Variants in SH3BP2 observed in about 807,000 individuals in gnomAD.
SH3BP2 encodes the protein SH3 domain-binding protein 2.
A neutral mutation model predicts 56.2 loss-of-function variants in SH3BP2; 38 were observed. The ratio of observed to expected loss-of-function variants is 0.68; its 90% CI spans 0.52 to 0.89. The LOEUF (loss-of-function observed/expected upper bound fraction) is 0.89, where lower values mean the gene tolerates loss of function less well. Ranked by LOEUF, SH3BP2 falls within the 40% of genes least tolerant of loss-of-function variation. The pLI, the probability that SH3BP2 is intolerant of heterozygous loss-of-function variation, is 0.00. For missense variants in SH3BP2, 748 were observed against 762.6 expected, an observed-to-expected ratio of 0.98 and a Z score of 0.23; for synonymous variants, 346 against 316.7, an observed-to-expected ratio of 1.09 and a Z score of -0.98.
In SH3BP2 at chr4:2,829,575, C is replaced by G; in HGVS notation, c.669C>G (p.Ala223=). The G allele has an allele frequency of 6.2e-7, 1 of 1,613,230 alleles. No homozygotes were observed. The highest frequency in any genetic ancestry group is 8.5e-7 in the Non-Finnish European group (1 of 1,179,798). Residue 223 remains alanine (A), a synonymous_variant, in exon 8 of 13, where the codon GCC becomes GCG. Coordinates refer to ENST00000503393, the MANE Select transcript of SH3BP2 (RefSeq NM_001122681.2). This position sits in a 1 kb window ranked among gnomAD's most constrained non-coding sequence, Gnocchi z 4.9. The part of the protein sequence containing the change: ...RKPAFSDMPR[A]HSFTSKGPGP... ...CAGCCTTCTCTGACATGCCCCGGGC[C>G]CACTCCTTTACCTCCAAGGGCCCCG... is the stretch of plus-strand genomic sequence containing the variant.
chr4:2,833,724 G>T lies in SH3BP2; in HGVS notation c.1576G>T (p.Val526Phe), dbSNP rs1425874075. 8 of 1,610,204 alleles carry T rather than the reference G, an allele frequency of 5.0e-6. No individual in the cohort carries two copies. Among genetic ancestry groups the T allele is most frequent in the East Asian group, 4.5e-5 (2 of 44,780 alleles). ...KDSKFYLEGE[V>F]LFVSVGSMVE... Reference sequence around the variant, plus strand: ...CTCTAAGTTCTACCTGGAGGGCGAGGTCCTGTTTGTGAGTGTGGGCAGCAT... The same window carrying T: ...CTCTAAGTTCTACCTGGAGGGCGAGTTCCTGTTTGTGAGTGTGGGCAGCAT... Residue 526 changes from valine (V) to phenylalanine (F), a missense_variant, in exon 13 of 13, where the codon GTC becomes TTC. Around this residue, in one of 3 missense-constraint regions of SH3BP2, gnomAD observed 635 missense variants for 615.0 expected, o/e 1.03. Transcript: ENST00000503393.
rs554704659 is a variant in SH3BP2, at chr4:2,829,089, A to C, written c.587-404A>C. ...AGCTTTCTGGATATGTTCTGAGCAA[A>C]CACGGGCCTTCACCTTCCTCCCAGC... On this transcript the variant is annotated intron_variant, in intron 7 of 12. Coordinates refer to ENST00000503393, the MANE Select transcript of SH3BP2 (RefSeq NM_001122681.2). This position sits in a 1 kb window ranked among gnomAD's most constrained non-coding sequence, Gnocchi z 4.9. Among the ~76,000 whole-genome samples the C allele has an allele frequency of 7.3e-4, 111 of 152,182 alleles. 3 individuals are homozygous for C. Among genetic ancestry groups the C allele is most frequent in the Non-Finnish European group, 5.9e-5 (4 of 67,998 alleles).
At chr4:2,793,598 C>G (rs926553050) in intron 1 of SH3BP2, 1 of 151,646 alleles carries the variant, frequency 6.6e-6, no homozygotes, top group African/African-American at 2.4e-5. Context: ...CCCCTCTGGC[C>G]CCGCGGCGGG....
chr4:2,820,982 G>A (rs1051052316), intron 2 of SH3BP2, among the ~76,000 whole-genome samples: 1 of 152,150 alleles, frequency 6.6e-6, no homozygotes, highest in Non-Finnish European at 1.5e-5. Flanking sequence ...GCTGGCAAGG[G>A]GAGCTGCAGC....
At position 2,829,775 on chromosome 4, in the gene SH3BP2, G is replaced by A; in HGVS notation, c.869G>A (p.Gly290Asp). The change falls in exon 8 of 13, where the codon GGC (glycine) becomes GAC (aspartate). Residue 290 changes from glycine to aspartate, a missense_variant. Physicochemically the swap from Gly to Asp is moderately conservative, Grantham distance 94 (BLOSUM62 -1). Coordinates refer to ENST00000503393, the MANE Select transcript of SH3BP2 (RefSeq NM_001122681.2). This position sits in a 1 kb window ranked among gnomAD's most constrained non-coding sequence, Gnocchi z 4.9. ...PPLSTMPTAP[G>D]LRKPPCFRES... ...CTGAGCACCATGCCCACCGCACCCG[G>A]CCTCCGGAAACCCCCTTGCTTCCGG... The A allele has an allele frequency of 6.2e-7, 1 of 1,613,070 alleles. No homozygotes were observed. The highest frequency in any genetic ancestry group is 8.5e-7 in the Non-Finnish European group (1 of 1,179,954).
At chr4:2,826,045 G>A (rs570505154) in intron 5 of SH3BP2, among the ~76,000 whole-genome samples, 141 of 152,366 alleles carry the variant, frequency 9.3e-4, no homozygotes, top group African/African-American at 3.4e-3. Context: ...CCGGGCTCCC[G>A]TCCCCTGGTC....
In SH3BP2 at chr4:2,826,297, CTG is replaced by C. The variant is rs368528643; in HGVS notation, c.429-920_429-919del. On this transcript the variant is annotated intron_variant, in intron 5 of 12. Transcript: ENST00000503393. ...TGTGTGTGCATGTCCGCGTGTTGCT[CTG>C]TGTGTGTGTGTGCAATGTCCACGTG... is the stretch of plus-strand genomic sequence containing the variant. 31 of 71,820 alleles carry C rather than the reference CTG, an allele frequency of 4.3e-4. No homozygotes were observed. The East Asian group carries it at 5.4e-3, about 12-fold the overall frequency. The allele number at this position is 71,820 out of a possible 1,614,324, so 4.4% of individuals were successfully genotyped here.
intron 11 of SH3BP2, 77 bp downstream of exon 11, chr4:2,832,489 A>G (rs1361782118): frequency 9.1e-7 from 1 of 1,103,810 alleles, no homozygotes; most frequent in Admixed American, 1.7e-5. Context: ...CCAGGACTCC[A>G]CAGTTCCTAA....
In SH3BP2 at chr4:2,831,992, C is replaced by A. The variant is rs375493267; in HGVS notation, c.1406+14C>A. The stretch of plus-strand genomic sequence containing the variant: ...CGAAGTGGAAAGGTCAGCACAAAGC[C>A]CTGTGTGTGCTGGGTCCTCCGCCAT... On this transcript the variant is annotated intron_variant, in intron 10 of 12. Coordinates refer to ENST00000503393, the MANE Select transcript of SH3BP2 (RefSeq NM_001122681.2). The surrounding 1 kb of genome is among the most constrained non-coding windows in gnomAD (Gnocchi z 4.1). 139 of 1,612,106 alleles carry A rather than the reference C, an allele frequency of 8.6e-5. No homozygotes were observed. Among genetic ancestry groups the A allele is most frequent in the Non-Finnish European group, 1.1e-4 (130 of 1,179,506 alleles).
intron 12 of SH3BP2, 22 bp downstream of exon 12, chr4:2,833,071 C>G: frequency 6.2e-7 from 1 of 1,611,930 alleles, no homozygotes; most frequent in Non-Finnish European, 8.5e-7. Context: ...CTGAGTGGGA[C>G]GGGGACCCTG....
At chr4:2,812,693 G>A (rs1723806293) in intron 1 of SH3BP2, among the ~76,000 whole-genome samples, 1 of 152,120 alleles carries the variant, frequency 6.6e-6, no homozygotes, top group African/African-American at 2.4e-5. Flanking sequence ...GGCACAGGGG[G>A]AGGCCAGAGA....
Position 2,799,227 on chromosome 4 carries a change from G to A in SH3BP2, c.-5+6089G>A. 6.1e-6 allele frequency: 6 copies of A among 985,520 alleles called. No individual in the cohort carries two copies. The South Asian group carries it at 2.8e-4, about 46-fold the overall frequency. 61.0% of individuals were successfully genotyped at this position (985,520 alleles called of 1,614,324 possible). ...GCGGGACCCTGGGGGTGGAATCTCT[G>A]AAATGCCTTCCCCTCGGGACCCTCA... On this transcript the variant is annotated intron_variant, in intron 1 of 12. Coordinates refer to ENST00000503393, the MANE Select transcript of SH3BP2 (RefSeq NM_001122681.2).
intron 1 of SH3BP2, among the ~76,000 whole-genome samples, chr4:2,807,419 G>A (rs1723578180): frequency 6.6e-6 from 1 of 152,208 alleles, no homozygotes; most frequent in African/African-American, 2.4e-5. Flanking sequence ...CCATGGGCCT[G>A]GTGCCCATCT....
intron 1 of SH3BP2, among the ~76,000 whole-genome samples, chr4:2,803,583 C>T (rs990586325): frequency 1.3e-5 from 2 of 152,152 alleles, no homozygotes; most frequent in East Asian, 3.8e-4. Flanking sequence ...GGAGCCCAGG[C>T]GTGAATGGTG....
chr4:2,832,421 C>T lies in SH3BP2; in HGVS notation c.1488+9C>T, dbSNP rs1577371649. On this transcript the variant is annotated intron_variant, in intron 11 of 12. Transcript: ENST00000503393. Reference sequence around the variant, plus strand: ...CTACCAAGTCGGGGAAGGTAGGCGCCAGGGGAAGATGCCCCAGGGCCCCTC... The same window carrying T: ...CTACCAAGTCGGGGAAGGTAGGCGCTAGGGGAAGATGCCCCAGGGCCCCTC... 6.2e-7 allele frequency: 1 copy of T among 1,612,488 alleles called. No homozygotes were observed. Among genetic ancestry groups the T allele is most frequent in the Non-Finnish European group, 8.5e-7 (1 of 1,178,624 alleles).
At chr4:2,832,279 G>T (rs762734427) in intron 10 of SH3BP2, 52 bp from the exon 11 acceptor site, 1 of 1,481,886 alleles carries the variant, frequency 6.7e-7, no homozygotes, top group Non-Finnish European at 9.4e-7. Context: ...GAAGGTCCGT[G>T]TGAAAGCTGC....
intron 5 of SH3BP2, among the ~76,000 whole-genome samples, chr4:2,825,739 G>C (rs1480355021): frequency 6.6e-6 from 1 of 152,234 alleles, no homozygotes; most frequent in Non-Finnish European, 1.5e-5. Flanking sequence ...CTGCCACCAG[G>C]GAGGCCTGGC....
rs773943767 is a variant in SH3BP2 at position 2,831,101 on chromosome 4, AG to A, written c.1242-469del. ...CTGGCGTGGCCCGTTAATCCTCCCT[AG>A]AGCCTTTGAGGCTTTGCTGAGCAGG... On this transcript the variant is annotated intron_variant, in intron 8 of 12. Coordinates refer to ENST00000503393, the MANE Select transcript of SH3BP2 (RefSeq NM_001122681.2). The surrounding 1 kb of genome is among the most constrained non-coding windows in gnomAD (Gnocchi z 4.1). 1.3e-5 allele frequency among the ~76,000 whole-genome samples: 2 copies of A among 152,176 alleles called. No homozygotes were observed. Among genetic ancestry groups the A allele is most frequent in the Non-Finnish European group, 2.9e-5 (2 of 68,022 alleles).
rs1725004319 is a variant in SH3BP2, at chr4:2,831,840, G to A, written c.1351-83G>A. 15 of 1,506,094 alleles carry A rather than the reference G, an allele frequency of 1.0e-5. No homozygotes were observed. Among genetic ancestry groups the A allele is most frequent in the Middle Eastern group, 3.4e-4 (2 of 5,808 alleles). The allele number at this position is 1,506,094 out of a possible 1,614,324, so 93.3% of individuals were successfully genotyped here. ...AGCACCATGTAAAGCCCCGGATCCC[G>A]GCACCGGGTGGCCACCGTCCGGGGA... On this transcript the variant is annotated intron_variant, in intron 9 of 12. Coordinates refer to ENST00000503393, the MANE Select transcript of SH3BP2 (RefSeq NM_001122681.2). The surrounding 1 kb of genome is among the most constrained non-coding windows in gnomAD (Gnocchi z 4.1).
Sources: allele counts gnomAD v4.1 joint callset (sites outside exome capture counted in the v4.1 genomes callset), GRCh38; gene constraint gnomAD v4.1.1; regional missense constraint gnomAD v4.1.1; non-coding constraint Gnocchi (gnomAD v3.1); transcripts MANE v1.5; gene names NCBI Gene and HGNC (gene_info 2026-07-23, HGNC 2026-07-21).